The following BLM variants were observed in gnomAD, a reference collection of about 807,000 sequenced individuals.
BLM encodes recQ-like DNA helicase BLM.
In BLM, 95 loss-of-function variants were observed where a neutral mutation model predicts 135.3. That is an observed-to-expected ratio of 0.70 (90% CI 0.59 to 0.83). BLM has a LOEUF of 0.83. BLM is among the 40% of genes least tolerant of loss of function. The pLI is 0.00. For synonymous variants in BLM, 520 were observed against 589.2 expected (o/e 0.88, Z 1.70); for missense variants, 1,518 against 1,663.9 (o/e 0.91, Z 1.53).
At chr15:90,773,095 CAAAAAAAA>C (rs780966709) in intron 12 of BLM, among the ~76,000 whole-genome samples, 5 of 43,438 alleles carry the variant, frequency 1.2e-4, no homozygotes, top group African/African-American at 3.8e-4. Flanking sequence ...GAGACTGTCT[CAAAAAAAA>C]AAAAAAAAAA....
intron 17 of BLM, among the ~76,000 whole-genome samples, chr15:90,802,679 A>G (rs1897191112): frequency 6.6e-6 from 1 of 152,204 alleles, no homozygotes; most frequent in African/African-American, 2.4e-5. Flanking sequence ...TCAGTGGCTC[A>G]TGCCTGTAAT....
At chr15:90,766,497 G>A (rs939637703) in intron 9 of BLM, among the ~76,000 whole-genome samples, 1 of 151,996 alleles carries the variant, frequency 6.6e-6, no homozygotes, top group African/African-American at 2.4e-5. Context: ...GTGCAACCTT[G>A]GCTCACTGCA....
chr15:90,759,435 ATGTGTTGT>A (rs1250871605), intron 5 of BLM, among the ~76,000 whole-genome samples: 1 of 150,666 alleles, frequency 6.6e-6, no homozygotes, highest in African/African-American at 2.4e-5. Flanking sequence ...AAAGAAGAAG[ATGTGTTGT>A]GTTGCTGGGC....
At chr15:90,766,670 C>T (rs1459993914) in intron 9 of BLM, among the ~76,000 whole-genome samples, 1 of 152,132 alleles carries the variant, frequency 6.6e-6, no homozygotes, top group Non-Finnish European at 1.5e-5. Context: ...CCAAGTGATC[C>T]ACCTGCCTCA....
intron 17 of BLM, among the ~76,000 whole-genome samples, chr15:90,802,207 A>G (rs1897181252): frequency 6.6e-6 from 1 of 152,252 alleles, no homozygotes; most frequent in South Asian, 2.1e-4. Flanking sequence ...AAAATTTTGA[A>G]TAATTCAGGA....
At chr15:90,772,020 A>G (rs1896333893) in intron 12 of BLM, among the ~76,000 whole-genome samples, 1 of 152,202 alleles carries the variant, frequency 6.6e-6, no homozygotes, top group Admixed American at 6.5e-5. Flanking sequence ...CAATAAATGA[A>G]AAATGTGAAG....
At chr15:90,762,056 G>A (rs1282591607) in intron 7 of BLM, among the ~76,000 whole-genome samples, 1 of 152,012 alleles carries the variant, frequency 6.6e-6, no homozygotes, top group Non-Finnish European at 1.5e-5. Context: ...TTACAGTTAC[G>A]CTGCTGACCT....
chr15:90,786,308 T>A (rs1324905660), intron 14 of BLM, among the ~76,000 whole-genome samples: 1 of 152,190 alleles, frequency 6.6e-6, no homozygotes, highest in African/African-American at 2.4e-5. Context: ...TCTTGGCTAC[T>A]ATGAATAATG....
At position 90,797,330 on chromosome 15, in the gene BLM, C is replaced by G. The variant is rs528493512; in HGVS notation, c.3211-860C>G. On this transcript the variant is annotated intron_variant, in intron 16 of 21. Transcript: ENST00000355112. Reference sequence around the variant, plus strand: ...ACTCAGGAGGCTGAGGCAGGAGAATCGCTTGAACCTGGGAGGTGGAGGTTG... The same window carrying G: ...ACTCAGGAGGCTGAGGCAGGAGAATGGCTTGAACCTGGGAGGTGGAGGTTG... 1.4e-3 allele frequency among the ~76,000 whole-genome samples: 210 copies of G among 147,366 alleles called. 2 individuals carry two copies. Among genetic ancestry groups the G allele is most frequent in the African/African-American group, 5.2e-3 (206 of 39,352 alleles).
chr15:90,769,606 G>C lies in BLM; in HGVS notation c.2555+20G>C, dbSNP rs762930185. ...TCAGGTGTAAGTTGTTGCACGTCACGTATTTGAGAACCCTGGGGCAGTGAC... is the reference window on the plus strand; with the variant it reads ...TCAGGTGTAAGTTGTTGCACGTCACCTATTTGAGAACCCTGGGGCAGTGAC... On this transcript the variant is annotated intron_variant, in intron 12 of 21. Transcript: ENST00000355112. 15 of 1,611,582 alleles carry C rather than the reference G, an allele frequency of 9.3e-6. No homozygotes were observed. The highest frequency in any genetic ancestry group is 7.7e-5 in the South Asian group (7 of 90,882).
intron 1 of BLM, among the ~76,000 whole-genome samples, chr15:90,736,755 C>T (rs200352641): frequency 3.3e-5 from 5 of 151,942 alleles, no homozygotes; most frequent in African/African-American, 1.2e-4. Flanking sequence ...TGATTTCTAA[C>T]ATGAATGGAA....
At chr15:90,791,050 A>G (rs1042291761) in intron 15 of BLM, among the ~76,000 whole-genome samples, 8 of 152,228 alleles carry the variant, frequency 5.3e-5, no homozygotes, top group African/African-American at 1.4e-4. Context: ...AATGATACAG[A>G]TGTGTACAAG....
intron 20 of BLM, 36 bp from the exon 21 acceptor site, chr15:90,811,169 A>G (rs1167791510): frequency 2.5e-6 from 4 of 1,607,960 alleles, no homozygotes; most frequent in Admixed American, 3.3e-5. Context: ...GACCAGTGCG[A>G]CATCACCTGT....
chr15:90,750,166 T>A, intron 3 of BLM, 99 bp downstream of exon 3: 1 of 1,335,902 alleles, frequency 7.5e-7, no homozygotes, highest in Non-Finnish European at 1.0e-6. Context: ...CTTTTGTCCT[T>A]AAGGTTGTTA....
intron 20 of BLM, 86 bp from the exon 21 acceptor site, chr15:90,811,119 C>A: frequency 7.1e-7 from 1 of 1,402,844 alleles, no homozygotes; most frequent in Non-Finnish European, 1.0e-6. Flanking sequence ...CTAAAATGGG[C>A]CCCTGCAGCG....
intron 1 of BLM, among the ~76,000 whole-genome samples, chr15:90,746,294 G>A (rs942956002): frequency 3.3e-5 from 5 of 151,982 alleles, no homozygotes; most frequent in African/African-American, 1.2e-4. Context: ...TTTTTTGGGG[G>A]TAATAATTAA....
At position 90,769,570 on chromosome 15, in the gene BLM, A is replaced by T. The variant is rs1896243843; in HGVS notation, c.2539A>T (p.Ile847Phe). Residue 847 changes from isoleucine to phenylalanine, a missense_variant, in exon 12 of 22, where the codon ATT becomes TTT. Coordinates refer to ENST00000355112, the MANE Select transcript of BLM (RefSeq NM_000057.4). ...GAAGGACATCCTGACTCAGCTGAAG[A>T]TTCTCAGACCTCAGGTGTAAGTTGT... ...VQKDILTQLK[I>F]LRPQVFSMSF... 6.2e-7 allele frequency: 1 copy of T among 1,613,926 alleles called. No individual in the cohort carries two copies. Among genetic ancestry groups the T allele is most frequent in the Non-Finnish European group, 8.5e-7 (1 of 1,179,888 alleles).
At chr15:90,785,142 T>C (rs1896714788) in intron 14 of BLM, 61 bp downstream of exon 14, 5 of 1,527,586 alleles carry the variant, frequency 3.3e-6, no homozygotes, top group Admixed American at 1.8e-5. Context: ...TAACCAAACA[T>C]GCACATGTAG....
chr15:90,774,709 C>T (rs1224985606), intron 12 of BLM, among the ~76,000 whole-genome samples: 1 of 150,986 alleles, frequency 6.6e-6, no homozygotes, highest in African/African-American at 2.4e-5. Flanking sequence ...TGGCATGCAC[C>T]TATAGTCGCA....
Sources: allele counts gnomAD v4.1 joint callset (sites outside exome capture counted in the v4.1 genomes callset), GRCh38; gene constraint gnomAD v4.1.1; transcripts MANE v1.5; gene names NCBI Gene and HGNC (gene_info 2026-07-23, HGNC 2026-07-21).